Variants in SPECC1L observed in about 807,000 individuals in gnomAD.
The protein encoded by SPECC1L is cytospin-A.
A neutral mutation model predicts 116.8 loss-of-function variants in SPECC1L; 40 were observed. The observed-to-expected ratio is 0.34, with a 90% CI of 0.27 to 0.45. The LOEUF is 0.45. Ranked by LOEUF, SPECC1L falls within the 20% of genes least tolerant of loss-of-function variation. The probability of loss-of-function intolerance (pLI) is 1.00; values close to 1 mark genes in which losing one functional copy is unlikely to be tolerated. For synonymous variants in SPECC1L, 504 were observed against 500.6 expected (o/e 1.01, Z -0.09); for missense variants, 1,110 against 1,373.6 (o/e 0.81, Z 3.03).
At chr22:24,390,856 T>TTTTTTTTTTTTCTTTTTTTTTTC (rs1395650761) in intron 14 of SPECC1L, among the ~76,000 whole-genome samples, 1 of 98,196 alleles carries the variant, frequency 1.0e-5, no homozygotes, top group Admixed American at 1.2e-4. Flanking sequence ...GTGTTCCTTT[T>TTTTTTTTTTTTCTTTTTTTTTTC]TTTTTTTTTT....
At position 24,414,670 on chromosome 22, in the gene SPECC1L, C is replaced by T. The variant is rs201901652; in HGVS notation, c.*47C>T. ...CAATAGCGGGGGTACCCCTCCACAGCGACCGAGCGACACCGACGCCATTAG... is the reference window on the plus strand; with the variant it reads ...CAATAGCGGGGGTACCCCTCCACAGTGACCGAGCGACACCGACGCCATTAG... On this transcript the variant is annotated 3_prime_UTR_variant, in exon 17 of 17. Coordinates refer to ENST00000314328, the MANE Select transcript of SPECC1L (RefSeq NM_015330.6). 33 of 1,537,292 alleles carry T rather than the reference C, an allele frequency of 2.1e-5. No individual in the cohort carries two copies. The highest frequency in any genetic ancestry group is 1.5e-4 in the African/African-American group (11 of 73,656).
At chr22:24,287,758 T>G (rs12157294) in intron 2 of SPECC1L, among the ~76,000 whole-genome samples, 188 of 152,278 alleles carry the variant, frequency 1.2e-3, no homozygotes, top group African/African-American at 4.1e-3. Flanking sequence ...CCACTTCTTA[T>G]GATGTAAAGG....
chr22:24,402,485 G>T lies in SPECC1L; in HGVS notation c.3088-9103G>T, dbSNP rs546415493. Among the ~76,000 whole-genome samples, 58 of 152,258 alleles carry T rather than the reference G, an allele frequency of 3.8e-4. 3 individuals carry two copies. In the South Asian group the frequency reaches 0.012, roughly 30 times the overall value. ...CCCAAACTCTGCCACAGTATAGGGG[G>T]GCATCGTGAGCCAGGGTTTTGTTAG... On this transcript the variant is annotated intron_variant, in intron 14 of 16. Transcript: ENST00000314328.
In SPECC1L at chr22:24,324,309, G is replaced by A. The variant is rs1479979197; in HGVS notation, c.2028G>A (p.Leu676=). Residue 676 remains leucine (L), a synonymous_variant, in exon 6 of 17, where the codon CTG becomes CTA. Coordinates refer to ENST00000314328, the MANE Select transcript of SPECC1L (RefSeq NM_015330.6). The part of the protein sequence containing the change: ...NMTLEKLRSD[L]DEKETERSDM... ...CGTTAGAAAAATTAAGATCAGACCT[G>A]GATGAAAAAGAAACAGAAAGGAGTG... The A allele has an allele frequency of 2.5e-6, 4 of 1,613,756 alleles. No homozygotes were observed.
intron 9 of SPECC1L, among the ~76,000 whole-genome samples, chr22:24,336,769 T>C (rs527860879): frequency 3.3e-5 from 5 of 152,332 alleles, no homozygotes; most frequent in Middle Eastern, 3.4e-3. Context: ...CCAGCAATTC[T>C]ACTCCTAATT....
chr22:24,313,719 A>G (rs1229108921), intron 4 of SPECC1L, among the ~76,000 whole-genome samples: 1 of 148,538 alleles, frequency 6.7e-6, no homozygotes, highest in Non-Finnish European at 1.5e-5. Flanking sequence ...TAAATACTTT[A>G]TTATCTTGGA....
At chr22:24,346,852 C>CT (rs532270001) in intron 10 of SPECC1L, among the ~76,000 whole-genome samples, 42 of 152,166 alleles carry the variant, frequency 2.8e-4, no homozygotes, top group Non-Finnish European at 4.9e-4. Context: ...CGTAGGATCT[C>CT]TTTATATTCT....
In SPECC1L at chr22:24,385,575, A is replaced by G. The variant is rs56182950; in HGVS notation, c.3087+16255A>G. ...TACTAATTTCAAAGCATCATTTCTC[A>G]GTAAGAAATATTACTAGAGATTGAG... On this transcript the variant is annotated intron_variant, in intron 14 of 16. Coordinates refer to ENST00000314328, the MANE Select transcript of SPECC1L (RefSeq NM_015330.6). 7.4e-3 allele frequency among the ~76,000 whole-genome samples: 1,125 copies of G among 152,350 alleles called. 6 individuals are homozygous for G. Among genetic ancestry groups the G allele is most frequent in the South Asian group, 0.013 (61 of 4,834 alleles).
chr22:24,405,062 G>T lies in SPECC1L; in HGVS notation c.3088-6526G>T, dbSNP rs184524465. ...GCCAATCCTGATAAGATCTTTGCAG[G>T]CCTGCAGAAAACAAATCCACACACT... On this transcript the variant is annotated intron_variant, in intron 14 of 16. Transcript: ENST00000314328. Among the ~76,000 whole-genome samples, 9 of 152,324 alleles carry T rather than the reference G, an allele frequency of 5.9e-5. No homozygotes were observed. In the East Asian group the frequency reaches 1.5e-3, roughly 26 times the overall value.
intron 3 of SPECC1L, among the ~76,000 whole-genome samples, chr22:24,305,520 A>G (rs1021232707): frequency 6.6e-6 from 1 of 152,078 alleles, no homozygotes; most frequent in East Asian, 1.9e-4. Context: ...TTAGTAATCC[A>G]TGGGATGAAT....
At chr22:24,384,051 G>T (rs1311021363) in intron 14 of SPECC1L, among the ~76,000 whole-genome samples, 2 of 151,772 alleles carry the variant, frequency 1.3e-5, no homozygotes, top group Non-Finnish European at 2.9e-5. Context: ...TTGTGAATTA[G>T]AGGATTGATC....
At chr22:24,404,239 T>G (rs770120753) in intron 14 of SPECC1L, among the ~76,000 whole-genome samples, 38 of 152,290 alleles carry the variant, frequency 2.5e-4, no homozygotes, top group African/African-American at 5.5e-4. Context: ...ATCCGAGGCC[T>G]CCTTCTTGCT....
intron 14 of SPECC1L, among the ~76,000 whole-genome samples, chr22:24,408,308 G>C (rs958479401): frequency 6.6e-6 from 1 of 152,228 alleles, no homozygotes; most frequent in African/African-American, 2.4e-5. Flanking sequence ...TCTTCATTAG[G>C]TCATCAGAAC....
At chr22:24,324,881 C>A (rs2040787228) in intron 6 of SPECC1L, among the ~76,000 whole-genome samples, 1 of 152,104 alleles carries the variant, frequency 6.6e-6, no homozygotes, top group African/African-American at 2.4e-5. Flanking sequence ...ACAGATTGAT[C>A]CTGTGTCCAT....
Position 24,383,792 on chromosome 22 carries a change from A to AT in SPECC1L, c.3087+14512dup, listed in dbSNP as rs538972717. On this transcript the variant is annotated intron_variant, in intron 14 of 16. Transcript: ENST00000314328. ...GCTGGGATTACAGGCACCCACCACT[A>AT]TTTTTTTTTTTTTTTTTTTTTTTTT... Among the ~76,000 whole-genome samples the AT allele has an allele frequency of 5.2e-4, 40 of 77,338 alleles. 2 individuals are homozygous for AT. Among genetic ancestry groups the AT allele is most frequent in the African/African-American group, 1.4e-3 (22 of 15,330 alleles). 50.7% of individuals were successfully genotyped at this position (77,338 alleles called of 152,430 possible). A position where few individuals can be genotyped will look rare whatever the true frequency, so the allele number is the denominator to read the frequency against.
At chr22:24,397,642 C>G (rs2042393393) in intron 14 of SPECC1L, among the ~76,000 whole-genome samples, 1 of 152,120 alleles carries the variant, frequency 6.6e-6, no homozygotes, top group African/African-American at 2.4e-5. Flanking sequence ...TAATAAAATC[C>G]TATAGTCTCA....
At chr22:24,354,319 C>G (rs909686740) in intron 11 of SPECC1L, among the ~76,000 whole-genome samples, 3 of 152,154 alleles carry the variant, frequency 2.0e-5, no homozygotes, top group Admixed American at 6.5e-5. Flanking sequence ...GCATTTTGCC[C>G]ACAACAGTTA....
In SPECC1L at chr22:24,347,122, C is replaced by T. The variant is rs148229290; in HGVS notation, c.2689C>T (p.Pro897Ser). The T allele has an allele frequency of 4.9e-4, 787 of 1,614,022 alleles. 14 individuals carry two copies. The East Asian group carries it at 0.013, about 26-fold the overall frequency. Residue 897 changes from proline (P) to serine (S), a missense_variant, in exon 11 of 17, where the codon CCC becomes TCC. This residue lies in a region of SPECC1L where 575 missense variants were observed against 682.4 expected (regional missense o/e 0.84). Transcript: ENST00000314328. ...SISGPISTSK[P>S]LTALSDKRPN... Reference sequence around the variant, plus strand: ...AAGTGGACCAATCTCAACATCCAAACCCCTGACAGCCCTGTCAGATAAGAG... The same window carrying T: ...AAGTGGACCAATCTCAACATCCAAATCCCTGACAGCCCTGTCAGATAAGAG...
At chr22:24,412,358 G>A (rs1417829254) in intron 15 of SPECC1L, 2 of 507,198 alleles carry the variant, frequency 3.9e-6, no homozygotes, top group Non-Finnish European at 7.2e-6. Context: ...TTTTGGGGGT[G>A]CGTGTTCAGG....
Sources: gnomAD v4.1 joint callset for allele counts (sites outside exome capture counted in the v4.1 genomes callset) on GRCh38, gnomAD v4.1.1 for gene constraint, gnomAD v4.1.1 regional missense constraint, MANE v1.5 for transcripts, NCBI Gene and HGNC (gene_info 2026-07-23, HGNC 2026-07-21) for gene names.